Variants in NFYC observed in about 807,000 individuals in gnomAD.
NFYC encodes nuclear transcription factor Y subunit gamma, also known as CAAT box DNA-binding protein subunit C.
In NFYC, 25 loss-of-function variants were observed where a neutral mutation model predicts 53.1. The observed-to-expected ratio is 0.47, with a 90% confidence interval of 0.34 to 0.66. NFYC has a LOEUF of 0.66. Among genes scored for constraint, NFYC ranks in the 30% least tolerant of loss-of-function variants. The pLI is 0.01. For synonymous variants in NFYC, 145 were observed against 152.6 expected (o/e 0.95, Z 0.37); for missense variants, 260 against 422.7 (o/e 0.62, Z 3.38).
At chr1:40,719,006 G>T (rs1054057336) in intron 1 of NFYC, among the ~76,000 whole-genome samples, 10 of 152,150 alleles carry the variant, frequency 6.6e-5, no homozygotes, top group African/African-American at 2.4e-4. Context: ...CGAGTAGCTG[G>T]GACTACAGAT....
rs192944520 is a variant in NFYC, at chr1:40,702,909, C to G, written c.-9+11042C>G. Among the ~76,000 whole-genome samples the G allele has an allele frequency of 4.9e-4, 74 of 152,180 alleles. 1 individual carries two copies. In the East Asian group the frequency reaches 0.01, roughly 22 times the overall value. ...TCGGCTCACTGCATCCTCCACCTCC[C>G]AGGTTCAAGCGATTCTGCTGCCCCA... On this transcript the variant is annotated intron_variant, in intron 1 of 9. Transcript: ENST00000447388.
In NFYC at chr1:40,770,623, G is replaced by T; in HGVS notation, c.889-86G>T. On this transcript the variant is annotated intron_variant, in intron 9 of 9. Transcript: ENST00000447388. The surrounding 1 kb of genome is among the most constrained non-coding windows in gnomAD (Gnocchi z 5.3). ...CAGTGGGTGGTGGTTGAGGTATCTG[G>T]GACCCCCAACCAGCTCGAGACCCAT... 6.2e-7 allele frequency: 1 copy of T among 1,613,952 alleles called. No homozygotes were observed. The highest frequency in any genetic ancestry group is 1.7e-5 in the Admixed American group (1 of 60,006).
At chr1:40,721,399 T>C (rs796079726) in intron 1 of NFYC, among the ~76,000 whole-genome samples, 4 of 152,252 alleles carry the variant, frequency 2.6e-5, no homozygotes, top group African/African-American at 9.6e-5. Context: ...AAACAGAATC[T>C]TTTGCTTGGA....
chr1:40,696,034 T>TG (rs1643118745), intron 1 of NFYC, among the ~76,000 whole-genome samples: 1 of 150,242 alleles, frequency 6.7e-6, no homozygotes, highest in Non-Finnish European at 1.5e-5. Flanking sequence ...GTTTTTTTTT[T>TG]TTTTTTGAGA....
intron 2 of NFYC, among the ~76,000 whole-genome samples, chr1:40,739,403 C>T (rs539233837): frequency 6.9e-4 from 105 of 152,264 alleles, no homozygotes; most frequent in African/African-American, 2.5e-3. Flanking sequence ...ATACTTTGAT[C>T]GCAGTTTCTC....
intron 1 of NFYC, among the ~76,000 whole-genome samples, chr1:40,737,518 G>T (rs1389968737): frequency 5.3e-5 from 8 of 151,758 alleles, no homozygotes; most frequent in Non-Finnish European, 1.2e-4. Context: ...TAGTAGAGAT[G>T]GGGTTTCACC....
intron 1 of NFYC, among the ~76,000 whole-genome samples, chr1:40,716,625 A>G (rs1020089562): frequency 1.3e-5 from 2 of 152,106 alleles, no homozygotes. Context: ...ATGATTTATT[A>G]TACATCTTAG....
intron 1 of NFYC, among the ~76,000 whole-genome samples, chr1:40,716,964 G>T (rs1379441311): frequency 6.6e-6 from 1 of 152,102 alleles, no homozygotes; most frequent in African/African-American, 2.4e-5. Context: ...GAGCAAGTTT[G>T]GGGGGAAAAG....
intron 1 of NFYC, among the ~76,000 whole-genome samples, chr1:40,708,785 A>C (rs1468272016): frequency 1.3e-5 from 2 of 152,190 alleles, no homozygotes; most frequent in Non-Finnish European, 2.9e-5. Context: ...TTTTCTTTGG[A>C]TTAGCCCTAC....
chr1:40,742,332 G>A (rs1440378386), intron 2 of NFYC, among the ~76,000 whole-genome samples: 2 of 151,980 alleles, frequency 1.3e-5, no homozygotes, highest in South Asian at 2.1e-4. Flanking sequence ...ATTGTGAATA[G>A]TGCTGCTGTG....
chr1:40,766,464 C>A, intron 7 of NFYC, 132 bp from the exon 8 acceptor site: 2 of 661,450 alleles, frequency 3.0e-6, no homozygotes, highest in Non-Finnish European at 5.2e-6. Context: ...TTAAAAGGGA[C>A]TTTTTTCAGG....
chr1:40,698,128 C>T (rs926422861), intron 1 of NFYC, among the ~76,000 whole-genome samples: 12 of 152,044 alleles, frequency 7.9e-5, no homozygotes, highest in Admixed American at 1.3e-4. Context: ...TTTGGGAGGA[C>T]GAGGCTGGCA....
chr1:40,730,195 CTTTTTTTTT>C (rs34045698), intron 1 of NFYC, among the ~76,000 whole-genome samples: 8 of 102,020 alleles, frequency 7.8e-5, no homozygotes, highest in African/African-American at 1.1e-4. Flanking sequence ...TCTTTCTTTT[CTTTTTTTTT>C]TTTTTTTTTT....
chr1:40,761,325 TC>T (rs1339540160), intron 6 of NFYC, among the ~76,000 whole-genome samples: 1 of 152,222 alleles, frequency 6.6e-6, no homozygotes, highest in Admixed American at 6.5e-5. Context: ...TGTTTCACCA[TC>T]CTGCTGCTTC....
intron 1 of NFYC, chr1:40,730,584 A>G (rs148353494): frequency 3.0e-6 from 3 of 985,398 alleles, no homozygotes; most frequent in Non-Finnish European, 1.2e-6. Context: ...TCAAAATGCA[A>G]GTCACAAAAG....
At chr1:40,762,049 A>G (rs368437694) in intron 6 of NFYC, among the ~76,000 whole-genome samples, 4 of 152,212 alleles carry the variant, frequency 2.6e-5, no homozygotes, top group African/African-American at 9.6e-5. Context: ...CCCTTTTGGC[A>G]GCTTGTGTCT....
intron 1 of NFYC, among the ~76,000 whole-genome samples, chr1:40,733,019 C>T (rs201149816): frequency 0.017 from 1,748 of 103,132 alleles, 31 homozygotes; most frequent in East Asian, 0.056. Context: ...CCCCCCCCCC[C>T]TTTTTTTTTT....
rs192143077 is a variant in NFYC, at chr1:40,713,478, T to G, written c.-9+21611T>G. 2.6e-5 allele frequency among the ~76,000 whole-genome samples: 4 copies of G among 152,366 alleles called. No individual in the cohort carries two copies. The East Asian group carries it at 7.7e-4, about 29-fold the overall frequency. ...CTTTTAAAGAGGCTAAATACTTTTG[T>G]AGGAGCTTCAGTAACCCAAAAAATG... On this transcript the variant is annotated intron_variant, in intron 1 of 9. Coordinates refer to ENST00000447388, the MANE Select transcript of NFYC (RefSeq NM_014223.5).
At chr1:40,739,062 C>A in intron 2 of NFYC, 114 bp downstream of exon 2, 1 of 752,434 alleles carries the variant, frequency 1.3e-6, no homozygotes, top group South Asian at 1.7e-5. Context: ...TTTACAGAGG[C>A]ATGGTTCACC....
Sources: gnomAD v4.1 joint callset for allele counts (sites outside exome capture counted in the v4.1 genomes callset) on GRCh38, gnomAD v4.1.1 for gene constraint, Gnocchi (gnomAD v3.1) non-coding constraint, MANE v1.5 for transcripts, NCBI Gene and HGNC (gene_info 2026-07-23, HGNC 2026-07-21) for gene names.